WDR7: variants seen among roughly 807,000 people sequenced by gnomAD.
WDR7 encodes the protein WD repeat-containing protein 7.
A neutral mutation model predicts 169.4 loss-of-function variants in WDR7; 46 were observed. The ratio of observed to expected loss-of-function variants is 0.27; its 90% CI spans 0.21 to 0.35. The LOEUF is 0.35. Among genes scored for constraint, WDR7 ranks in the 10% least tolerant of loss-of-function variants. The pLI, the probability that WDR7 is intolerant of heterozygous loss-of-function variation, is 1.00. For missense variants in WDR7, 1,534 were observed against 1,859.3 expected (o/e 0.83, Z 3.22); for synonymous variants, 612 against 666.8 (o/e 0.92, Z 1.27).
intron 1 of WDR7, among the ~76,000 whole-genome samples, chr18:56,664,648 A>G (rs981228376): frequency 2.0e-5 from 3 of 151,746 alleles, no homozygotes; most frequent in African/African-American, 7.3e-5. Context: ...AGTTATTGTT[A>G]TTCTCTGTTT....
chr18:56,818,529 C>G (rs978156136), intron 20 of WDR7, among the ~76,000 whole-genome samples: 2 of 152,118 alleles, frequency 1.3e-5, no homozygotes, highest in Non-Finnish European at 2.9e-5. Flanking sequence ...TGTTCAATAT[C>G]CGAAGAACTT....
At chr18:56,965,901 C>T (rs2047402321) in intron 26 of WDR7, among the ~76,000 whole-genome samples, 1 of 152,020 alleles carries the variant, frequency 6.6e-6, no homozygotes, top group Non-Finnish European at 1.5e-5. Context: ...TATATTGATA[C>T]AAGATTAATA....
intron 20 of WDR7, among the ~76,000 whole-genome samples, chr18:56,818,606 G>A (rs993236514): frequency 6.6e-6 from 1 of 152,130 alleles, no homozygotes; most frequent in Non-Finnish European, 1.5e-5. Context: ...CCTGTAGATC[G>A]TTCGGGTTAC....
At chr18:57,030,520 T>G (rs947754642), downstream of WDR7, 10 of 152,176 alleles carry the variant, frequency 6.6e-5, no homozygotes, top group Admixed American at 5.2e-4. Context: ...AGCGATCACA[T>G]AAACTGATCA....
chr18:56,767,917 C>A (rs1294121757), intron 16 of WDR7, among the ~76,000 whole-genome samples: 1 of 152,046 alleles, frequency 6.6e-6, no homozygotes, highest in Non-Finnish European at 1.5e-5. Context: ...CAATATTTTC[C>A]AGGATATACT....
intron 20 of WDR7, among the ~76,000 whole-genome samples, chr18:56,817,945 A>T (rs901664546): frequency 6.6e-6 from 1 of 152,122 alleles, no homozygotes. Context: ...GAGTTTCACC[A>T]TATTGGCCAG....
intron 19 of WDR7, among the ~76,000 whole-genome samples, chr18:56,809,195 G>T (rs1002697596): frequency 1.3e-5 from 2 of 151,806 alleles, no homozygotes; most frequent in African/African-American, 4.8e-5. Context: ...ATACTCACTG[G>T]TTTTTTACCT....
At chr18:56,708,136 C>T (rs1030199106) in intron 12 of WDR7, among the ~76,000 whole-genome samples, 7 of 150,962 alleles carry the variant, frequency 4.6e-5, no homozygotes, top group Admixed American at 2.0e-4. Flanking sequence ...CAGGTTCAAG[C>T]GATTCTTGTG....
intron 19 of WDR7, among the ~76,000 whole-genome samples, chr18:56,805,652 ATT>A (rs944185508): frequency 1.4e-5 from 2 of 144,590 alleles, no homozygotes; most frequent in Non-Finnish European, 1.5e-5. Context: ...AAATCATAGG[ATT>A]TTTTTTTTTT....
chr18:57,001,343 A>G (rs1657408), intron 26 of WDR7, among the ~76,000 whole-genome samples: 15,921 of 151,910 alleles, frequency 0.1, 1,780 homozygotes, highest in African/African-American at 0.28. Context: ...AAGTTTCCCC[A>G]AGGGAAATTG....
At chr18:56,943,677 A>G (rs1417001163) in intron 25 of WDR7, among the ~76,000 whole-genome samples, 1 of 152,182 alleles carries the variant, frequency 6.6e-6, no homozygotes, top group Admixed American at 6.5e-5. Context: ...TATTGCTTTC[A>G]TATCTGTAAA....
intron 12 of WDR7, among the ~76,000 whole-genome samples, chr18:56,707,227 C>T (rs1321687423): frequency 2.0e-5 from 3 of 152,200 alleles, no homozygotes; most frequent in Non-Finnish European, 4.4e-5. Flanking sequence ...AAATGATCCA[C>T]CTGCCTTGGC....
chr18:56,747,906 T>C (rs1315543991), intron 14 of WDR7, among the ~76,000 whole-genome samples: 1 of 152,146 alleles, frequency 6.6e-6, no homozygotes, highest in African/African-American at 2.4e-5. Context: ...CAGTTTTTTT[T>C]TTCTTCTTTT....
At chr18:56,683,450 G>A (rs1285716627) in intron 5 of WDR7, among the ~76,000 whole-genome samples, 1 of 152,128 alleles carries the variant, frequency 6.6e-6, no homozygotes, top group Non-Finnish European at 1.5e-5. Context: ...ACTTTTATAA[G>A]CCTTTTAAGG....
chr18:56,820,881 A>T (rs527628889), intron 20 of WDR7, among the ~76,000 whole-genome samples: 4 of 152,252 alleles, frequency 2.6e-5, no homozygotes, highest in East Asian at 3.9e-4. Context: ...ATTCTTTCTT[A>T]AAAAACTTAC....
At chr18:57,031,677 T>G (rs2048442434), downstream of WDR7, 2 of 152,220 alleles carry the variant, frequency 1.3e-5, no homozygotes, top group South Asian at 4.1e-4. Context: ...AAATTTTTAT[T>G]TTGTTTTGTT....
chr18:56,694,560 T>C, intron 9 of WDR7, 59 bp from the exon 10 acceptor site: 6 of 1,512,326 alleles, frequency 4.0e-6, no homozygotes, highest in Non-Finnish European at 5.4e-6. Flanking sequence ...AAAGCATTAA[T>C]GTGTGAAATA....
chr18:57,009,021 T>C (rs2048103030), intron 26 of WDR7, among the ~76,000 whole-genome samples: 1 of 141,818 alleles, frequency 7.1e-6, no homozygotes, highest in East Asian at 1.9e-4. Flanking sequence ...TAAGTGAAAG[T>C]GGATAGTCTA....
At chr18:56,883,705 C>T (rs2046146072) in intron 21 of WDR7, among the ~76,000 whole-genome samples, 1 of 152,016 alleles carries the variant, frequency 6.6e-6, no homozygotes, top group South Asian at 2.1e-4. Flanking sequence ...TTGTATCATT[C>T]TTATGCTTTT....
Sources: gnomAD v4.1 joint callset for allele counts (sites outside exome capture counted in the v4.1 genomes callset) on GRCh38, gnomAD v4.1.1 for gene constraint, MANE v1.5 for transcripts, NCBI Gene and HGNC (gene_info 2026-07-23, HGNC 2026-07-21) for gene names.